Variants in RPAP3 observed in about 807,000 individuals in gnomAD.
RPAP3 encodes RNA polymerase II-associated protein 3.
Under a neutral mutation model 88.8 loss-of-function variants are expected in RPAP3, and 58 were observed. That is an observed-to-expected ratio of 0.65 (90% confidence interval 0.53 to 0.81). The LOEUF is 0.81. Among genes scored for constraint, RPAP3 ranks in the 40% least tolerant of loss-of-function variants. The pLI, the probability that RPAP3 is intolerant of heterozygous loss-of-function variation, is 0.00. For missense variants in RPAP3, 751 were observed against 764.3 expected (o/e 0.98, Z 0.20); for synonymous variants, 255 against 259.9 (o/e 0.98, Z 0.18).
chr12:47,668,496 A>G (rs1406743768), intron 14 of RPAP3, among the ~76,000 whole-genome samples: 3 of 152,224 alleles, frequency 2.0e-5, no homozygotes, highest in African/African-American at 7.2e-5. Flanking sequence ...TGTTACTCTC[A>G]TTACACTTGA....
intron 12 of RPAP3, 73 bp downstream of exon 12, chr12:47,679,420 C>T (rs1939179299): frequency 7.3e-6 from 7 of 954,816 alleles, no homozygotes; most frequent in East Asian, 2.6e-5. Flanking sequence ...TTTATTAATA[C>T]AATAGTTGGT....
chr12:47,676,377 G>C (rs1939116353), intron 12 of RPAP3, among the ~76,000 whole-genome samples: 1 of 152,012 alleles, frequency 6.6e-6, no homozygotes, highest in South Asian at 2.1e-4. Context: ...CCTAGCAGAA[G>C]GCAAGAAGTA....
At chr12:47,667,585 T>C (rs1390271571) in intron 15 of RPAP3, among the ~76,000 whole-genome samples, 169 bp downstream of exon 15, 3 of 152,198 alleles carry the variant, frequency 2.0e-5, no homozygotes, top group Admixed American at 6.5e-5. Context: ...TGTGACTTTA[T>C]GTAAAACGGC....
chr12:47,665,733 C>T (rs1348569414), intron 16 of RPAP3, among the ~76,000 whole-genome samples: 1 of 151,888 alleles, frequency 6.6e-6, no homozygotes, highest in African/African-American at 2.4e-5. Context: ...CTCAACCTTC[C>T]GTGCTGAAAC....
At chr12:47,676,850 C>T (rs1939126216) in intron 12 of RPAP3, among the ~76,000 whole-genome samples, 1 of 152,102 alleles carries the variant, frequency 6.6e-6, no homozygotes, top group Admixed American at 6.5e-5. Flanking sequence ...GAAACTATTC[C>T]AATCAATAGA....
chr12:47,671,649 G>C (rs1400721617), intron 12 of RPAP3, among the ~76,000 whole-genome samples: 3 of 152,182 alleles, frequency 2.0e-5, no homozygotes, highest in African/African-American at 7.2e-5. Flanking sequence ...GCTTTGCTAA[G>C]AACTGTATCA....
In RPAP3 at chr12:47,686,855, G is replaced by C. The variant is rs1365671466; in HGVS notation, c.917C>G (p.Thr306Ser). 10 of 1,604,228 alleles carry C rather than the reference G, an allele frequency of 6.2e-6. No homozygotes were observed. Among genetic ancestry groups the C allele is most frequent in the Non-Finnish European group, 8.5e-6 (10 of 1,173,454 alleles). ...AGCACCATCTGCTGCTATCCCTCGA[G>C]TATAGCATTCAATTGCTCTTTCATA... ...GKYERAIECYTRGIAADGANA... is the reference protein window; with the variant it reads ...GKYERAIECYSRGIAADGANA... The change falls in exon 9 of 17, where the codon ACT becomes AGT. Residue 306 changes from threonine to serine, a missense_variant. By Grantham distance (58) the Thr-to-Ser change is moderately conservative. Coordinates refer to ENST00000005386, the MANE Select transcript of RPAP3 (RefSeq NM_024604.3).
chr12:47,671,313 T>C (rs1046015243), intron 12 of RPAP3, among the ~76,000 whole-genome samples: 2 of 152,208 alleles, frequency 1.3e-5, no homozygotes, highest in African/African-American at 4.8e-5. Flanking sequence ...GTTGCAGCTA[T>C]ATACTTTTGT....
Position 47,662,393 on chromosome 12 carries a change from T to C in RPAP3, c.*1112A>G, listed in dbSNP as rs1938778267. Reference sequence around the variant, plus strand: ...AATTTATACCACAATCTGAAGAAATTATCTTTGTAAATAAATTATGATTAC... The same window carrying C: ...AATTTATACCACAATCTGAAGAAATCATCTTTGTAAATAAATTATGATTAC... On this transcript the variant is annotated 3_prime_UTR_variant, in exon 17 of 17. Coordinates refer to ENST00000005386, the MANE Select transcript of RPAP3 (RefSeq NM_024604.3). 1 of 152,196 alleles carries C rather than the reference T, an allele frequency of 6.6e-6. No homozygotes were observed. The highest frequency in any genetic ancestry group is 1.5e-5 in the Non-Finnish European group (1 of 68,046). The allele number at this position is 152,196 out of a possible 1,614,324, so 9.4% of individuals were successfully genotyped here. A position where few individuals can be genotyped will look rare whatever the true frequency, so the allele number is the denominator to read the frequency against.
At chr12:47,701,672 T>A in intron 2 of RPAP3, 68 bp from the exon 3 acceptor site, 1 of 1,229,284 alleles carries the variant, frequency 8.1e-7, no homozygotes, top group African/African-American at 1.6e-5. Flanking sequence ...TAACTAGCTA[T>A]GTTTAAAATT....
In RPAP3 at chr12:47,681,831, T is replaced by C; in HGVS notation, c.993-14A>G. The C allele has an allele frequency of 6.4e-7, 1 of 1,550,740 alleles. No homozygotes were observed. The highest frequency in any genetic ancestry group is 8.6e-7 in the Non-Finnish European group (1 of 1,157,010). The stretch of plus-strand genomic sequence containing the variant: ...GCTTCTTCATATCTATTGAACATGA[T>C]AAAATTACTGACTGGAAAAAAGGCA... On this transcript the variant is annotated splice_polypyrimidine_tract_variant and intron_variant, in intron 9 of 16. Transcript: ENST00000005386.
intron 1 of RPAP3, among the ~76,000 whole-genome samples, chr12:47,704,482 C>T (rs1177957395): frequency 2.6e-5 from 4 of 151,994 alleles, no homozygotes; most frequent in African/African-American, 4.8e-5. Context: ...GATTCTCCTG[C>T]CTCAGCCTCC....
At chr12:47,673,031 A>C (rs1939032591) in intron 12 of RPAP3, among the ~76,000 whole-genome samples, 2 of 152,226 alleles carry the variant, frequency 1.3e-5, no homozygotes, top group African/African-American at 2.4e-5. Flanking sequence ...CATTTAATTA[A>C]ATAATCACTT....
intron 5 of RPAP3, among the ~76,000 whole-genome samples, chr12:47,695,493 C>T (rs1370687599): frequency 1.3e-5 from 2 of 152,152 alleles, no homozygotes; most frequent in Non-Finnish European, 2.9e-5. Flanking sequence ...CAGAAAGGAG[C>T]ATCAAGGTAA....
In RPAP3 at chr12:47,662,071, G is replaced by A. The variant is rs1454998577; in HGVS notation, c.*1434C>T. The stretch of plus-strand genomic sequence containing the variant: ...TTGTTCGTAGATGGTGCCTTCTTAT[G>A]TGTCCTTACATGGTGTAATTGGTGA... On this transcript the variant is annotated 3_prime_UTR_variant, in exon 17 of 17. Transcript: ENST00000005386. The A allele has an allele frequency of 1.3e-5, 2 of 152,150 alleles. No homozygotes were observed. The highest frequency in any genetic ancestry group is 4.8e-5 in the African/African-American group (2 of 41,418). The allele number at this position is 152,150 out of a possible 1,614,324, so 9.4% of individuals were successfully genotyped here.
chr12:47,665,729 C>G (rs1269833686), intron 16 of RPAP3, among the ~76,000 whole-genome samples: 1 of 151,992 alleles, frequency 6.6e-6, no homozygotes, highest in African/African-American at 2.4e-5. Context: ...CAGCCTCAAC[C>G]TTCCGTGCTG....
In RPAP3 at chr12:47,702,757, T is replaced by C. The variant is rs1167170815; in HGVS notation, c.84A>G (p.Leu28=). ...AEELQDFMRD[L]ENWEKDIKQK... is the part of the protein sequence containing the mutation. Reference sequence around the variant, plus strand: ...GTTTAATGTCTTTTTCCCAGTTTTCTAAATCCCGCATAAAGTCTTGTAATT... The same window carrying C: ...GTTTAATGTCTTTTTCCCAGTTTTCCAAATCCCGCATAAAGTCTTGTAATT... The change falls in exon 2 of 17, where the codon TTA becomes TTG. Residue 28 remains leucine, a synonymous_variant. Coordinates refer to ENST00000005386, the MANE Select transcript of RPAP3 (RefSeq NM_024604.3). 1.9e-6 allele frequency: 3 copies of C among 1,612,936 alleles called. No individual in the cohort carries two copies. Among genetic ancestry groups the C allele is most frequent in the African/African-American group, 2.7e-5 (2 of 75,032 alleles).
intron 1 of RPAP3, among the ~76,000 whole-genome samples, chr12:47,703,992 A>G (rs1400235595): frequency 6.6e-6 from 1 of 152,226 alleles, no homozygotes; most frequent in Non-Finnish European, 1.5e-5. Flanking sequence ...GGGCAAACGG[A>G]AAGTCAGATT....
At chr12:47,695,231 T>C (rs1362370802) in intron 5 of RPAP3, among the ~76,000 whole-genome samples, 2 of 152,096 alleles carry the variant, frequency 1.3e-5, no homozygotes, top group African/African-American at 2.4e-5. Flanking sequence ...AATTATCCTA[T>C]ATAACAGTTA....
Sources: gnomAD v4.1 joint callset for allele counts (sites outside exome capture counted in the v4.1 genomes callset) on GRCh38, gnomAD v4.1.1 for gene constraint, MANE v1.5 for transcripts, NCBI Gene and HGNC (gene_info 2026-07-23, HGNC 2026-07-21) for gene names.